Variants in LTBP1 observed in about 807,000 individuals in gnomAD.
The protein encoded by LTBP1 is latent transforming growth factor beta binding protein 1, also known as latent-transforming growth factor beta-binding protein 1.
In LTBP1, 129 loss-of-function variants were observed where a neutral mutation model predicts 207.6. That is an observed-to-expected ratio of 0.62 (90% CI 0.54 to 0.72). The LOEUF is 0.72. LTBP1 is among the 30% of genes least tolerant of loss of function. LTBP1 has a pLI of 0.00. For synonymous variants in LTBP1, 963 were observed against 833.7 expected, an observed-to-expected ratio of 1.16 and a Z score of -2.67; for missense variants, 2,281 against 2,217.2, an observed-to-expected ratio of 1.03 and a Z score of -0.58.
intron 2 of LTBP1, among the ~76,000 whole-genome samples, chr2:32,972,061 T>G (rs1169641631): frequency 2.0e-5 from 3 of 152,090 alleles, no homozygotes; most frequent in African/African-American, 7.2e-5. Context: ...ATCTATTTCT[T>G]GTAGGTTTTC....
intron 2 of LTBP1, among the ~76,000 whole-genome samples, chr2:32,968,771 T>C (rs1680371285): frequency 6.6e-6 from 1 of 151,460 alleles, no homozygotes; most frequent in Admixed American, 6.6e-5. Flanking sequence ...TTGCCCAGGC[T>C]GGTGTGCAGT....
At chr2:33,365,604 T>G (rs2094975749) in intron 31 of LTBP1, 101 bp downstream of exon 31, 1 of 1,123,912 alleles carries the variant, frequency 8.9e-7, no homozygotes, top group South Asian at 1.5e-5. Context: ...TTGCCTTCAC[T>G]CCTGATATCT....
intron 24 of LTBP1, among the ~76,000 whole-genome samples, chr2:33,341,438 G>A (rs2094618905): frequency 6.6e-6 from 1 of 151,950 alleles, no homozygotes; most frequent in South Asian, 2.1e-4. Context: ...GCGGCCAGGT[G>A]CGGTGGCTCA....
At chr2:33,053,006 G>T (rs2076820683) in intron 3 of LTBP1, among the ~76,000 whole-genome samples, 1 of 151,928 alleles carries the variant, frequency 6.6e-6, no homozygotes, top group Non-Finnish European at 1.5e-5. Context: ...TCCCGAGTAG[G>T]ATTACAGGTG....
chr2:33,179,809 C>T (rs11898777), intron 5 of LTBP1, among the ~76,000 whole-genome samples: 1 of 152,132 alleles, frequency 6.6e-6, no homozygotes, highest in South Asian at 2.1e-4. Context: ...TCCTGTGATT[C>T]AGATCTGCCT....
At chr2:32,997,661 G>A (rs530465327) in intron 2 of LTBP1, among the ~76,000 whole-genome samples, 1 of 152,316 alleles carries the variant, frequency 6.6e-6, no homozygotes, top group South Asian at 2.1e-4. Flanking sequence ...GGTGGGTTCA[G>A]AGGGTATCAG....
Position 33,047,470 on chromosome 2 carries a change from G to GCCTGAGAGA in LTBP1, c.863+26266_863+26274dup, listed in dbSNP as rs2076506761. On this transcript the variant is annotated intron_variant, in intron 3 of 33. Transcript: ENST00000404816. ...TGAGTTCTAATTTGATTGCACTGTGGCCTGAGAGACTGTTTGTTATGATTT... is the reference window on the plus strand; with the variant it reads ...TGAGTTCTAATTTGATTGCACTGTGGCCTGAGAGACCTGAGAGACTGTTTGTTATGATTT... Among the ~76,000 whole-genome samples the GCCTGAGAGA allele has an allele frequency of 4.6e-5, 7 of 152,284 alleles. 1 individual carries two copies. Among genetic ancestry groups the GCCTGAGAGA allele is most frequent in the African/African-American group, 1.7e-4 (7 of 41,548 alleles).
At chr2:33,231,172 T>C (rs2091764347) in intron 9 of LTBP1, among the ~76,000 whole-genome samples, 1 of 152,222 alleles carries the variant, frequency 6.6e-6, no homozygotes. Flanking sequence ...TTATTTACTC[T>C]TCGAACTAGC....
At chr2:32,975,551 C>G (rs986868885) in intron 2 of LTBP1, among the ~76,000 whole-genome samples, 1 of 137,300 alleles carries the variant, frequency 7.3e-6, no homozygotes, top group Non-Finnish European at 1.5e-5. Flanking sequence ...TTCACATAAT[C>G]CCATATTTGT....
chr2:32,976,622 C>T (rs562206713), intron 2 of LTBP1, among the ~76,000 whole-genome samples: 10 of 152,276 alleles, frequency 6.6e-5, no homozygotes, highest in East Asian at 3.9e-4. Context: ...TAGTTTGTTC[C>T]GGTGCCTTGG....
chr2:33,257,712 A>C (rs2092902837), intron 12 of LTBP1, among the ~76,000 whole-genome samples: 1 of 152,258 alleles, frequency 6.6e-6, no homozygotes, highest in Admixed American at 6.5e-5. Context: ...TACCTAGTAG[A>C]TAACAATATT....
At chr2:33,109,592 C>T (rs1275395670) in intron 3 of LTBP1, among the ~76,000 whole-genome samples, 3 of 152,154 alleles carry the variant, frequency 2.0e-5, no homozygotes, top group Non-Finnish European at 4.4e-5. Context: ...GGAGGGTTAG[C>T]ACATAGTAAT....
intron 5 of LTBP1, among the ~76,000 whole-genome samples, chr2:33,167,742 A>G (rs374893501): frequency 6.6e-6 from 1 of 152,218 alleles, no homozygotes; most frequent in African/African-American, 2.4e-5. Context: ...TGCAGTGGTC[A>G]GAAGAGTCCA....
At chr2:33,224,417 C>T (rs1474227675) in intron 9 of LTBP1, among the ~76,000 whole-genome samples, 3 of 152,146 alleles carry the variant, frequency 2.0e-5, no homozygotes, top group Non-Finnish European at 4.4e-5. Context: ...CATATGTTCT[C>T]TTGGTATGGT....
chr2:33,141,485 A>C (rs2082643179), intron 5 of LTBP1, among the ~76,000 whole-genome samples: 1 of 152,250 alleles, frequency 6.6e-6, no homozygotes, highest in South Asian at 2.1e-4. Flanking sequence ...ATATGTGTAC[A>C]CTACTGTCAA....
chr2:33,117,953 A>G (rs1226796496), intron 4 of LTBP1, among the ~76,000 whole-genome samples: 1 of 152,150 alleles, frequency 6.6e-6, no homozygotes, highest in African/African-American at 2.4e-5. Flanking sequence ...AGTTTAGGAT[A>G]TGGATGGTAT....
intron 31 of LTBP1, among the ~76,000 whole-genome samples, chr2:33,380,425 A>G (rs1173663493): frequency 2.4e-5 from 1 of 41,612 alleles, no homozygotes; most frequent in Middle Eastern, 0.011. Flanking sequence ...AAAAAAATAC[A>G]AAAAAAAAAA....
intron 15 of LTBP1, among the ~76,000 whole-genome samples, chr2:33,271,661 G>T (rs558800035): frequency 2.0e-4 from 30 of 152,240 alleles, no homozygotes; most frequent in African/African-American, 6.5e-4. Flanking sequence ...CAAAAAAAAT[G>T]AAGAAAATGC....
rs1033351520 is a variant in LTBP1 at position 32,947,516 on chromosome 2, C to G, written c.192C>G (p.Arg64=). ...TCGCGCTCAACGCCAGGTACAGCCG[C>G]AGCTCGGCGGCTGCCGGCGCCCCCA... ...FNVALNARYS[R]SSAAAGAPSR... is the part of the protein sequence containing the mutation. The change falls in exon 1 of 34, where the codon CGC becomes CGG. Residue 64 remains arginine, a synonymous_variant. Coordinates refer to ENST00000404816, the MANE Select transcript of LTBP1 (RefSeq NM_206943.4). The G allele has an allele frequency of 7.1e-7, 1 of 1,413,572 alleles. No individual in the cohort carries two copies. The highest frequency in any genetic ancestry group is 9.2e-7 in the Non-Finnish European group (1 of 1,085,780). 87.6% of individuals were successfully genotyped at this position (1,413,572 alleles called of 1,614,324 possible).
Sources: allele counts gnomAD v4.1 joint callset (sites outside exome capture counted in the v4.1 genomes callset), GRCh38; gene constraint gnomAD v4.1.1; transcripts MANE v1.5; gene names NCBI Gene and HGNC (gene_info 2026-07-23, HGNC 2026-07-21).